PRDM16: variants seen among roughly 807,000 people sequenced by gnomAD.
The protein encoded by PRDM16 is PR/SET domain 16.
A neutral mutation model predicts 110.6 loss-of-function variants in PRDM16; 23 were observed. That is an observed-to-expected ratio of 0.21 (90% CI 0.15 to 0.29). The LOEUF (loss-of-function observed/expected upper bound fraction) is 0.29. Among genes scored for constraint, PRDM16 ranks in the 10% least tolerant of loss-of-function variants. The pLI, the probability that PRDM16 is intolerant of heterozygous loss-of-function variation, is 1.00. For missense variants in PRDM16, 1,615 were observed against 1,794.3 expected (o/e 0.90, Z 1.81); for synonymous variants, 799 against 781.8 (o/e 1.02, Z -0.37).
At chr1:3,367,062 G>A (rs1479287978) in intron 3 of PRDM16, among the ~76,000 whole-genome samples, 1 of 152,230 alleles carries the variant, frequency 6.6e-6, no homozygotes. Flanking sequence ...GAGGTCAGGA[G>A]TTCGAGACCA....
Position 3,091,058 on chromosome 1 carries a change from G to A in PRDM16, c.37+21762G>A, listed in dbSNP as rs890389269. Among the ~76,000 whole-genome samples the A allele has an allele frequency of 5.9e-5, 9 of 152,178 alleles. No homozygotes were observed. The South Asian group carries it at 1.7e-3, about 28-fold the overall frequency. On this transcript the variant is annotated intron_variant, in intron 1 of 16. Transcript: ENST00000270722. ...TCAGCCGCAAACTCTCCCTAACCCC[G>A]AGCTCTAGCTCTGGACGGGGCTTCT... is the stretch of plus-strand genomic sequence containing the variant.
chr1:3,103,268 CCCCTCTTGGG>C (rs1390799790), intron 1 of PRDM16, among the ~76,000 whole-genome samples: 2 of 152,208 alleles, frequency 1.3e-5, no homozygotes, highest in Admixed American at 6.5e-5. Context: ...GCTCCTGAGG[CCCCTCTTGGG>C]CCCTGTCTTC....
intron 3 of PRDM16, among the ~76,000 whole-genome samples, chr1:3,257,020 G>T (rs1159190441): frequency 2.0e-5 from 3 of 152,192 alleles, no homozygotes; most frequent in African/African-American, 4.8e-5. Context: ...ATAATGGATG[G>T]TTTTTTTAAA....
chr1:3,149,803 G>C (rs939870407), intron 1 of PRDM16, among the ~76,000 whole-genome samples: 20 of 152,216 alleles, frequency 1.3e-4, no homozygotes, highest in African/African-American at 3.9e-4. Context: ...AGGCTCCTGG[G>C]CTGGCTGGGG....
Position 3,355,803 on chromosome 1 carries a change from G to A in PRDM16, c.439-29349G>A, listed in dbSNP as rs905273800. On this transcript the variant is annotated intron_variant, in intron 3 of 16. Coordinates refer to ENST00000270722, the MANE Select transcript of PRDM16 (RefSeq NM_022114.4). ...CCCAAGACAGTGCACTGCCATGTGG[G>A]GGTACACAAGGCTGCTGGCTCAGAG... 2.0e-5 allele frequency among the ~76,000 whole-genome samples: 3 copies of A among 152,282 alleles called. No homozygotes were observed. In the East Asian group the frequency reaches 5.8e-4, roughly 29 times the overall value.
At chr1:3,342,433 T>A (rs116518828) in intron 3 of PRDM16, among the ~76,000 whole-genome samples, 80 of 152,302 alleles carry the variant, frequency 5.3e-4, no homozygotes, top group African/African-American at 1.9e-3. Context: ...CTAAAATAAG[T>A]GTCCACAGTT....
intron 1 of PRDM16, among the ~76,000 whole-genome samples, chr1:3,164,745 T>A (rs1627080): frequency 1.3e-5 from 2 of 151,890 alleles, no homozygotes; most frequent in Non-Finnish European, 2.9e-5. Flanking sequence ...TGGGGTCAGG[T>A]GTCCCGGCAG....
chr1:3,119,815 G>C (rs1213145100), intron 1 of PRDM16, among the ~76,000 whole-genome samples: 1 of 152,234 alleles, frequency 6.6e-6, no homozygotes, highest in East Asian at 1.9e-4. Flanking sequence ...GCCTGCCCCT[G>C]TCACGCCGGA....
In PRDM16 at chr1:3,396,484, A is replaced by T; in HGVS notation, c.574-7A>T. 1 of 1,521,240 alleles carries T rather than the reference A, an allele frequency of 6.6e-7. No homozygotes were observed. The highest frequency in any genetic ancestry group is 9.0e-7 in the Non-Finnish European group (1 of 1,106,204). 94.2% of individuals were successfully genotyped at this position (1,521,240 alleles called of 1,614,324 possible). ...CTCACCCTTTCTCTCTGGTCTCTCC[A>T]TCCTAGATTTACTATAAAGTCATTA... On this transcript the variant is annotated splice_region_variant and splice_polypyrimidine_tract_variant and intron_variant, in intron 4 of 16. Transcript: ENST00000270722.
intron 1 of PRDM16, among the ~76,000 whole-genome samples, chr1:3,138,331 C>T (rs1224707319): frequency 6.6e-6 from 1 of 152,226 alleles, no homozygotes; most frequent in Non-Finnish European, 1.5e-5. Context: ...AGGCAGCACC[C>T]ATCGAGTAAA....
intron 3 of PRDM16, among the ~76,000 whole-genome samples, chr1:3,357,705 G>A (rs766121672): frequency 1.3e-5 from 2 of 152,202 alleles, no homozygotes. Context: ...CTCCGGAGCA[G>A]TGGCCTTCCA....
At chr1:3,298,503 C>T (rs1641138443) in intron 3 of PRDM16, among the ~76,000 whole-genome samples, 2 of 152,236 alleles carry the variant, frequency 1.3e-5, no homozygotes, top group Non-Finnish European at 2.9e-5. Flanking sequence ...CATTGAATCC[C>T]CACCCCCCGG....
intron 1 of PRDM16, among the ~76,000 whole-genome samples, chr1:3,142,685 C>T (rs900301787): frequency 6.6e-6 from 1 of 151,956 alleles, no homozygotes; most frequent in African/African-American, 2.4e-5. Context: ...ATTCCCAAGC[C>T]TCGTGCTCCC....
chr1:3,071,661 C>G (rs544232368), intron 1 of PRDM16, among the ~76,000 whole-genome samples: 1 of 152,346 alleles, frequency 6.6e-6, no homozygotes, highest in African/African-American at 2.4e-5. Flanking sequence ...GTCCATTACC[C>G]GAGTCAGAGG....
chr1:3,250,415 G>A (rs1639902405), intron 3 of PRDM16, among the ~76,000 whole-genome samples: 1 of 152,058 alleles, frequency 6.6e-6, no homozygotes, highest in Non-Finnish European at 1.5e-5. Context: ...GTGAGTTATG[G>A]GGCAGCTCCA....
At chr1:3,237,969 T>G (rs1244882591) in intron 2 of PRDM16, 2 of 152,366 alleles carry the variant, frequency 1.3e-5, no homozygotes, top group Non-Finnish European at 2.9e-5. Context: ...GCGGAGATGC[T>G]GCCTGCCTGG....
intron 1 of PRDM16, among the ~76,000 whole-genome samples, chr1:3,072,183 C>G (rs1481424577): frequency 2.6e-5 from 4 of 152,154 alleles, no homozygotes; most frequent in African/African-American, 9.7e-5. Flanking sequence ...GCTGCTGCAG[C>G]CCCACATTTA....
chr1:3,360,026 G>A (rs561946835), intron 3 of PRDM16, among the ~76,000 whole-genome samples: 3 of 140,190 alleles, frequency 2.1e-5, no homozygotes, highest in Non-Finnish European at 4.4e-5. Flanking sequence ...ATGCGTTCCC[G>A]TTAGCGGGCC....
At chr1:3,123,461 G>A (rs1187781531) in intron 1 of PRDM16, among the ~76,000 whole-genome samples, 1 of 152,238 alleles carries the variant, frequency 6.6e-6, no homozygotes, top group Non-Finnish European at 1.5e-5. Context: ...GCTATGTGGA[G>A]CCTGCGGCCT....
Sources: allele counts gnomAD v4.1 joint callset (sites outside exome capture counted in the v4.1 genomes callset), GRCh38; gene constraint gnomAD v4.1.1; transcripts MANE v1.5; gene names NCBI Gene and HGNC (gene_info 2026-07-23, HGNC 2026-07-21).